The following NAALADL2 variants were observed in gnomAD, a reference collection of about 807,000 sequenced individuals.
NAALADL2 encodes inactive N-acetylated-alpha-linked acidic dipeptidase-like protein 2.
A neutral mutation model predicts 87.2 loss-of-function variants in NAALADL2; 76 were observed. The ratio of observed to expected loss-of-function variants is 0.87; its 90% CI spans 0.72 to 1.05. NAALADL2 has a LOEUF of 1.05. NAALADL2 is among the 50% of genes least tolerant of loss of function. The pLI is 0.00. For missense variants in NAALADL2, 1,089 were observed against 945.8 expected (o/e 1.15, Z -1.99); for synonymous variants, 354 against 331.0 (o/e 1.07, Z -0.75).
At chr3:175,615,469 A>G (rs1210954458) in intron 10 of NAALADL2, among the ~76,000 whole-genome samples, 1 of 152,220 alleles carries the variant, frequency 6.6e-6, no homozygotes, top group Non-Finnish European at 1.5e-5. Flanking sequence ...AATTATTGGT[A>G]TCCATTTTAT....
chr3:175,356,053 A>G (rs1261549560), intron 5 of NAALADL2, among the ~76,000 whole-genome samples: 2 of 152,172 alleles, frequency 1.3e-5, no homozygotes, highest in Non-Finnish European at 2.9e-5. Context: ...AACAGTTTCA[A>G]TAGGGATTTA....
chr3:174,856,160 C>G (rs1015951975), upstream of NAALADL2, among the ~76,000 whole-genome samples: 1 of 151,918 alleles, frequency 6.6e-6, no homozygotes, highest in Non-Finnish European at 1.5e-5. Context: ...CACACACCAT[C>G]ATGCCCAGAT....
intron 3 of NAALADL2, among the ~76,000 whole-genome samples, chr3:174,830,422 T>C (rs1040567203): frequency 6.6e-6 from 1 of 152,192 alleles, no homozygotes; most frequent in African/African-American, 2.4e-5. Flanking sequence ...CAGATAGTTA[T>C]AGATATGCGG....
intron 9 of NAALADL2, among the ~76,000 whole-genome samples, chr3:175,481,585 A>G (rs1358112090): frequency 6.6e-6 from 1 of 151,900 alleles, no homozygotes; most frequent in Non-Finnish European, 1.5e-5. Flanking sequence ...ATTACTCAAC[A>G]GTCACAAGTC....
At chr3:174,896,964 T>C (rs1731615507) in intron 1 of NAALADL2, among the ~76,000 whole-genome samples, 1 of 152,152 alleles carries the variant, frequency 6.6e-6, no homozygotes, top group Non-Finnish European at 1.5e-5. Flanking sequence ...GAAACTGGGA[T>C]ATCCATATGC....
chr3:174,713,627 G>T (rs1032459200), intron 2 of NAALADL2, among the ~76,000 whole-genome samples: 5 of 152,228 alleles, frequency 3.3e-5, no homozygotes, highest in South Asian at 2.1e-4. Flanking sequence ...TGTTCATATT[G>T]TTCACCCACT....
At chr3:174,765,874 G>A (rs1713744525) in intron 3 of NAALADL2, among the ~76,000 whole-genome samples, 1 of 152,168 alleles carries the variant, frequency 6.6e-6, no homozygotes, top group South Asian at 2.1e-4. Flanking sequence ...AGAAATGATA[G>A]AGGAGCAAGA....
At chr3:175,669,369 T>C (rs1733625922) in intron 11 of NAALADL2, among the ~76,000 whole-genome samples, 1 of 152,102 alleles carries the variant, frequency 6.6e-6, no homozygotes, top group Non-Finnish European at 1.5e-5. Flanking sequence ...TGTAGGACGA[T>C]GCAGAACCAT....
rs770176846 is a variant in NAALADL2, at chr3:175,256,468, A to T, written c.877A>T (p.Ile293Leu). 4 of 1,612,438 alleles carry T rather than the reference A, an allele frequency of 2.5e-6. No homozygotes were observed. The African/African-American group carries it at 5.3e-5, about 22-fold the overall frequency. ...AGATGATTTAAAAAGGATTAGGAAAATAAAAAACGTAACAAATCAGATCGC... is the reference window on the plus strand; with the variant it reads ...AGATGATTTAAAAAGGATTAGGAAATTAAAAAACGTAACAAATCAGATCGC... ...MADDLKRIRK[I>L]KNVTNQIALL... is the part of the protein sequence containing the mutation. The change falls in exon 4 of 14, where the codon ATA (isoleucine) becomes TTA (leucine). Residue 293 changes from isoleucine to leucine, a missense_variant. Coordinates refer to ENST00000454872, the MANE Select transcript of NAALADL2 (RefSeq NM_207015.3).
At chr3:174,466,496 G>A (rs1716544852) in intron 1 of NAALADL2, among the ~76,000 whole-genome samples, 1 of 152,152 alleles carries the variant, frequency 6.6e-6, no homozygotes, top group South Asian at 2.1e-4. Context: ...TTACTGTGAA[G>A]CAGGGGAAAA....
At chr3:175,615,330 A>G (rs770651365) in intron 10 of NAALADL2, among the ~76,000 whole-genome samples, 1 of 152,122 alleles carries the variant, frequency 6.6e-6, no homozygotes, top group Non-Finnish European at 1.5e-5. Flanking sequence ...CTTAATCTGC[A>G]TATTGGGAAA....
chr3:174,441,725 CT>C (rs111370736), intron 1 of NAALADL2, among the ~76,000 whole-genome samples: 82 of 138,154 alleles, frequency 5.9e-4, no homozygotes, highest in South Asian at 2.1e-3. Flanking sequence ...ACATTCTTTG[CT>C]TTTTTTTTTT....
At chr3:174,959,438 G>A (rs1317662778) in intron 1 of NAALADL2, among the ~76,000 whole-genome samples, 1 of 152,010 alleles carries the variant, frequency 6.6e-6, no homozygotes, top group Non-Finnish European at 1.5e-5. Flanking sequence ...CATACAATTG[G>A]TGATTGTTCT....
chr3:175,722,914 A>G (rs936386542), intron 11 of NAALADL2, among the ~76,000 whole-genome samples: 2 of 152,140 alleles, frequency 1.3e-5, no homozygotes, highest in African/African-American at 4.8e-5. Context: ...GAACAGCCAT[A>G]TGATACAATG....
At position 175,408,080 on chromosome 3, in the gene NAALADL2, C is replaced by T. The variant is rs979629802; in HGVS notation, c.1091-39149C>T. 3.0e-4 allele frequency among the ~76,000 whole-genome samples: 46 copies of T among 152,026 alleles called. 1 individual carries two copies. The highest frequency in any genetic ancestry group is 1.1e-3 in the African/African-American group (44 of 41,472). ...TTATGGAATCTTAAAAAGTCGATCT[C>T]ATAGAAACAGAGTAAGAAGTGGTTA... On this transcript the variant is annotated intron_variant, in intron 5 of 13. Coordinates refer to ENST00000454872, the MANE Select transcript of NAALADL2 (RefSeq NM_207015.3).
intron 5 of NAALADL2, among the ~76,000 whole-genome samples, chr3:175,340,680 A>T (rs1762478307): frequency 6.6e-6 from 1 of 152,148 alleles, no homozygotes; most frequent in Non-Finnish European, 1.5e-5. Context: ...GCTCATCATC[A>T]ATTATTTGGT....
At chr3:174,546,635 A>C (rs929183994) in intron 1 of NAALADL2, among the ~76,000 whole-genome samples, 15 of 151,972 alleles carry the variant, frequency 9.9e-5, no homozygotes, top group African/African-American at 3.4e-4. Context: ...GTCTTGTGAC[A>C]GGTGTTTTTT....
At chr3:175,352,707 C>T (rs1763906523) in intron 5 of NAALADL2, among the ~76,000 whole-genome samples, 1 of 152,056 alleles carries the variant, frequency 6.6e-6, no homozygotes, top group Non-Finnish European at 1.5e-5. Flanking sequence ...TAAGAGGGAG[C>T]AGAGAGAATT....
intron 1 of NAALADL2, among the ~76,000 whole-genome samples, chr3:174,469,829 T>A (rs1424820740): frequency 6.6e-6 from 1 of 152,148 alleles, no homozygotes; most frequent in Non-Finnish European, 1.5e-5. Context: ...ATCAGTTCCT[T>A]TGGTATCTAA....
Sources: allele counts gnomAD v4.1 joint callset (sites outside exome capture counted in the v4.1 genomes callset), GRCh38; gene constraint gnomAD v4.1.1; transcripts MANE v1.5; gene names NCBI Gene and HGNC (gene_info 2026-07-23, HGNC 2026-07-21).